Variants in OSBPL1A observed in about 807,000 individuals in gnomAD.
OSBPL1A encodes the protein oxysterol-binding protein-related protein 1.
Under a neutral mutation model 137.1 loss-of-function variants are expected in OSBPL1A, and 80 were observed. The observed-to-expected ratio is 0.58, with a 90% CI of 0.49 to 0.70. OSBPL1A has a LOEUF of 0.70. OSBPL1A is among the 30% of genes least tolerant of loss of function. OSBPL1A has a pLI of 0.00. For synonymous variants in OSBPL1A, 365 were observed against 389.7 expected, an observed-to-expected ratio of 0.94 and a Z score of 0.75; for missense variants, 970 against 1,129.4, an observed-to-expected ratio of 0.86 and a Z score of 2.02.
intron 15 of OSBPL1A, among the ~76,000 whole-genome samples, chr18:24,252,224 T>C (rs1043051398): frequency 1.1e-4 from 17 of 152,158 alleles, no homozygotes; most frequent in Non-Finnish European, 1.0e-4. Context: ...AAGAAGTTTA[T>C]AGGACACCAA....
chr18:24,233,072 G>C (rs2088331995), intron 16 of OSBPL1A, among the ~76,000 whole-genome samples: 1 of 152,160 alleles, frequency 6.6e-6, no homozygotes, highest in South Asian at 2.1e-4. Context: ...TGAACACACA[G>C]TAAGAAAAGT....
chr18:24,354,180 T>G (rs1187144249), intron 4 of OSBPL1A, among the ~76,000 whole-genome samples: 1 of 151,730 alleles, frequency 6.6e-6, no homozygotes, highest in East Asian at 1.9e-4. Context: ...AAGTAGGTAC[T>G]TCTGGAAGTG....
At chr18:24,341,702 T>G in intron 4 of OSBPL1A, 44 bp from the exon 5 acceptor site, 2 of 1,362,522 alleles carry the variant, frequency 1.5e-6, no homozygotes, top group Non-Finnish European at 2.1e-6. Context: ...GCTAAGATTT[T>G]ATTGCATTAC....
chr18:24,349,734 A>G (rs1268245790), intron 4 of OSBPL1A, among the ~76,000 whole-genome samples: 1 of 112,046 alleles, frequency 8.9e-6, no homozygotes, highest in African/African-American at 3.5e-5. Flanking sequence ...AAAAAGAAAA[A>G]AAAAAAAACA....
In OSBPL1A at chr18:24,355,331, G is replaced by T. The variant is rs186338736; in HGVS notation, c.282+11561C>A. Among the ~76,000 whole-genome samples, 5 of 151,156 alleles carry T rather than the reference G, an allele frequency of 3.3e-5. No homozygotes were observed. In the East Asian group the frequency reaches 9.8e-4, roughly 29 times the overall value. Reference sequence around the variant, plus strand: ...ACCGTGACCAACATGGTGAAACCCCGTCTCTACTAAAAATACAAAAAATAG... The same window carrying T: ...ACCGTGACCAACATGGTGAAACCCCTTCTCTACTAAAAATACAAAAAATAG... On this transcript the variant is annotated intron_variant, in intron 4 of 27. Transcript: ENST00000319481.
chr18:24,179,912 G>A (rs1431969886), intron 19 of OSBPL1A, 77 bp from the exon 20 acceptor site: 10 of 1,138,458 alleles, frequency 8.8e-6, no homozygotes, highest in African/African-American at 4.6e-5. Context: ...AAATTTTGCT[G>A]AAGACAGTAA....
intron 14 of OSBPL1A, chr18:24,302,818 G>A (rs1252416817): frequency 2.0e-5 from 3 of 152,174 alleles, no homozygotes; most frequent in Non-Finnish European, 2.9e-5. Flanking sequence ...AGCTAGACAA[G>A]ATCATATATA....
chr18:24,358,200 A>C (rs1244196608), intron 4 of OSBPL1A: 7 of 480,544 alleles, frequency 1.5e-5, no homozygotes, highest in Non-Finnish European at 2.2e-5. Context: ...CCAGCCTAAG[A>C]AGGGCATGGT....
intron 19 of OSBPL1A, 22 bp downstream of exon 19, chr18:24,181,123 C>T: frequency 1.2e-6 from 2 of 1,610,546 alleles, no homozygotes; most frequent in Non-Finnish European, 1.7e-6. Context: ...AGAGTTAGAC[C>T]TTTTCCTCCC....
chr18:24,189,466 G>A (rs1054980013), intron 18 of OSBPL1A, among the ~76,000 whole-genome samples: 3 of 152,126 alleles, frequency 2.0e-5, no homozygotes, highest in Admixed American at 1.3e-4. Context: ...ACTGACAGCC[G>A]GGGGCTGGCG....
chr18:24,363,127 A>T (rs1284684294), intron 4 of OSBPL1A, among the ~76,000 whole-genome samples: 1 of 152,242 alleles, frequency 6.6e-6, no homozygotes, highest in African/African-American at 2.4e-5. Context: ...TGCTTTTTCT[A>T]TTAGAGTGTC....
Position 24,163,099 on chromosome 18 carries a change from G to T in OSBPL1A, c.*80C>A. 3.9e-6 allele frequency: 4 copies of T among 1,018,658 alleles called. No individual in the cohort carries two copies. The highest frequency in any genetic ancestry group is 2.6e-4 in the Middle Eastern group (1 of 3,856). 63.1% of individuals were successfully genotyped at this position (1,018,658 alleles called of 1,614,324 possible). On this transcript the variant is annotated 3_prime_UTR_variant, in exon 28 of 28. Transcript: ENST00000319481. ...CATTTTTTTTTTTAAAAGATAAGTA[G>T]AAACCAAGGGAAAAAAATTTAAAAA...
intron 18 of OSBPL1A, among the ~76,000 whole-genome samples, chr18:24,193,254 G>T (rs1822649): frequency 0.55 from 83,982 of 151,878 alleles, 23,628 homozygotes; most frequent in Non-Finnish European, 0.63. Context: ...TTGGAAGCCA[G>T]GGTGGGTGGA....
In OSBPL1A at chr18:24,192,807, G is replaced by T. The variant is rs79574922; in HGVS notation, c.1677+3318C>A. ...GATAAGAATATGTACTGTGAATTTA[G>T]AAAAGCCACATATTTTGAATAATAA... On this transcript the variant is annotated intron_variant, in intron 18 of 27. Coordinates refer to ENST00000319481, the MANE Select transcript of OSBPL1A (RefSeq NM_080597.4). 2.1e-3 allele frequency among the ~76,000 whole-genome samples: 326 copies of T among 152,222 alleles called. 5 individuals carry two copies. In the East Asian group the frequency reaches 0.045, roughly 21 times the overall value.
chr18:24,186,426 A>G (rs929037994), intron 18 of OSBPL1A, among the ~76,000 whole-genome samples: 1 of 152,206 alleles, frequency 6.6e-6, no homozygotes, highest in Non-Finnish European at 1.5e-5. Context: ...AAATATTCTA[A>G]TCTTGTTAAA....
chr18:24,193,753 GCTCT>G (rs1276794342), intron 18 of OSBPL1A, among the ~76,000 whole-genome samples: 1 of 152,128 alleles, frequency 6.6e-6, no homozygotes, highest in African/African-American at 2.4e-5. Context: ...TTCCCCTGAA[GCTCT>G]CTCTCTATGC....
rs2090626456 is a variant in OSBPL1A, at chr18:24,311,978, A to G, written c.1092+6T>C. 2 of 1,613,880 alleles carry G rather than the reference A, an allele frequency of 1.2e-6. No homozygotes were observed. The highest frequency in any genetic ancestry group is 1.7e-6 in the Non-Finnish European group (2 of 1,179,852). On this transcript the variant is annotated splice_donor_region_variant and intron_variant, in intron 13 of 27. Transcript: ENST00000319481. ...TATAAAGGTCAGGTTACATTTTCCT[A>G]TTTACCTCTAATGATTTCTTCAGGT...
chr18:24,355,275 A>G (rs2091513282), intron 4 of OSBPL1A, among the ~76,000 whole-genome samples: 1 of 151,964 alleles, frequency 6.6e-6, no homozygotes, highest in Non-Finnish European at 1.5e-5. Context: ...AGGCCGAGGC[A>G]GGAGGATCAT....
chr18:24,176,720 G>T (rs543610250), intron 21 of OSBPL1A, among the ~76,000 whole-genome samples: 50 of 152,298 alleles, frequency 3.3e-4, no homozygotes, highest in African/African-American at 1.2e-3. Flanking sequence ...AATTTTCAAA[G>T]CCTCTGTAGT....
Sources: gnomAD v4.1 joint callset for allele counts (sites outside exome capture counted in the v4.1 genomes callset) on GRCh38, gnomAD v4.1.1 for gene constraint, MANE v1.5 for transcripts, NCBI Gene and HGNC (gene_info 2026-07-23, HGNC 2026-07-21) for gene names.